The following CRACDL variants were observed in gnomAD, a reference collection of about 807,000 sequenced individuals.
CRACDL encodes the protein CRACD like.
CRACDL carries 26 observed loss-of-function variants against 70.6 expected under a neutral mutation model. That is an observed-to-expected ratio of 0.37 (90% CI 0.27 to 0.51). The LOEUF (loss-of-function observed/expected upper bound fraction) is 0.51, where lower values mean the gene tolerates loss of function less well. Ranked by LOEUF, CRACDL falls within the 20% of genes least tolerant of loss-of-function variation. The pLI is 0.94. For synonymous variants in CRACDL, 618 were observed against 615.2 expected (o/e 1.00, Z -0.07); for missense variants, 1,283 against 1,376.9 (o/e 0.93, Z 1.08).
In CRACDL at chr2:98,838,570, T is replaced by C. The variant is rs1040945486; in HGVS notation, c.71-283A>G. Among the ~76,000 whole-genome samples, 8 of 152,336 alleles carry C rather than the reference T, an allele frequency of 5.3e-5. No homozygotes were observed. In the South Asian group the frequency reaches 6.2e-4, roughly 12 times the overall value. ...AAATTAGCAACTTTCCTCTCATGTA[T>C]AATCAAGTTTTGATTTCTAAAATAT... is the stretch of plus-strand genomic sequence containing the variant. On this transcript the variant is annotated intron_variant, in intron 2 of 9. Transcript: ENST00000397899.
intron 2 of CRACDL, among the ~76,000 whole-genome samples, chr2:98,844,400 A>G (rs1559229722): frequency 6.6e-6 from 1 of 152,092 alleles, no homozygotes; most frequent in Non-Finnish European, 1.5e-5. Context: ...TGATGCCTTC[A>G]TGTGTCTGTT....
At chr2:98,875,926 T>C (rs1558617867) in intron 1 of CRACDL, among the ~76,000 whole-genome samples, 1 of 152,216 alleles carries the variant, frequency 6.6e-6, no homozygotes, top group African/African-American at 2.4e-5. Flanking sequence ...CTGCAGAACA[T>C]TGTCTGTAGG....
chr2:98,873,525 C>A (rs1462132074), intron 1 of CRACDL, among the ~76,000 whole-genome samples: 1 of 152,236 alleles, frequency 6.6e-6, no homozygotes, highest in Non-Finnish European at 1.5e-5. Context: ...CTGAACTGGC[C>A]TGGGACAGGG....
intron 1 of CRACDL, among the ~76,000 whole-genome samples, chr2:98,922,005 C>T (rs539799723): frequency 3.0e-4 from 45 of 152,324 alleles, no homozygotes; most frequent in South Asian, 6.2e-4. Flanking sequence ...TGTGTCAGTA[C>T]AAAGGTGAAT....
At chr2:98,891,512 A>G (rs1276911269) in intron 1 of CRACDL, among the ~76,000 whole-genome samples, 2 of 151,826 alleles carry the variant, frequency 1.3e-5, no homozygotes, top group African/African-American at 4.8e-5. Flanking sequence ...CTGGAATTAG[A>G]TAGTATTGAT....
intron 1 of CRACDL, among the ~76,000 whole-genome samples, chr2:98,868,147 A>G (rs1190148080): frequency 6.6e-6 from 1 of 152,222 alleles, no homozygotes; most frequent in Admixed American, 6.5e-5. Context: ...ACCCAGTACA[A>G]GGCCCTGTCT....
At chr2:98,841,746 G>A (rs1441532510) in intron 2 of CRACDL, among the ~76,000 whole-genome samples, 2 of 152,072 alleles carry the variant, frequency 1.3e-5, no homozygotes, top group African/African-American at 4.8e-5. Flanking sequence ...TTTTTTCCTA[G>A]GTATAACGTT....
At chr2:98,920,696 C>T (rs1007538082) in intron 1 of CRACDL, among the ~76,000 whole-genome samples, 2 of 152,202 alleles carry the variant, frequency 1.3e-5, no homozygotes, top group Non-Finnish European at 2.9e-5. Flanking sequence ...TCCACTCCAA[C>T]GCTACCTCCC....
chr2:98,877,868 C>T (rs1362131204), intron 1 of CRACDL, among the ~76,000 whole-genome samples: 1 of 152,126 alleles, frequency 6.6e-6, no homozygotes, highest in Non-Finnish European at 1.5e-5. Flanking sequence ...ACTACTCACT[C>T]ACTCAGTCAC....
intron 1 of CRACDL, among the ~76,000 whole-genome samples, chr2:98,870,832 C>G (rs1207877654): frequency 6.6e-6 from 1 of 152,214 alleles, no homozygotes; most frequent in Non-Finnish European, 1.5e-5. Context: ...TCAGGAGCCT[C>G]TTCAGCACTC....
At chr2:98,832,619 G>A (rs1040600564) in intron 4 of CRACDL, 107 bp from the exon 5 acceptor site, 2 of 1,142,624 alleles carry the variant, frequency 1.8e-6, no homozygotes, top group Admixed American at 2.2e-5. Context: ...GTATCTTGGT[G>A]TGGTGCAGAG....
chr2:98,932,124 C>T (rs1709093511), intron 1 of CRACDL, among the ~76,000 whole-genome samples: 1 of 152,230 alleles, frequency 6.6e-6, no homozygotes, highest in South Asian at 2.1e-4. Context: ...TGAACGCTGG[C>T]TGTCTGTGTT....
At chr2:98,836,366 A>C (rs1226380368) in intron 3 of CRACDL, among the ~76,000 whole-genome samples, 1 of 152,118 alleles carries the variant, frequency 6.6e-6, no homozygotes, top group Non-Finnish European at 1.5e-5. Flanking sequence ...GCTCTCTAAA[A>C]ATGTCATTTG....
At chr2:98,888,120 ACAAAAACCAT>A (rs1707845929) in intron 1 of CRACDL, among the ~76,000 whole-genome samples, 2 of 152,240 alleles carry the variant, frequency 1.3e-5, no homozygotes, top group Admixed American at 1.3e-4. Context: ...TCCAAGATAA[ACAAAAACCAT>A]AGAGAAATTA....
intron 1 of CRACDL, among the ~76,000 whole-genome samples, chr2:98,935,151 A>G (rs1268669842): frequency 1.3e-5 from 2 of 152,184 alleles, no homozygotes; most frequent in Non-Finnish European, 1.5e-5. Flanking sequence ...CTAGTAGGAT[A>G]CCTTAAGACC....
rs1022266036 is a variant in CRACDL at position 98,931,386 on chromosome 2, T to C, written c.-11+4552A>G. Among the ~76,000 whole-genome samples the C allele has an allele frequency of 2.5e-4, 38 of 150,020 alleles. 1 individual carries two copies. The highest frequency in any genetic ancestry group is 9.3e-4 in the African/African-American group (38 of 40,774). The stretch of plus-strand genomic sequence containing the variant: ...CTCCCCTGACCTTGACTGGACCAAC[T>C]GCTTTAAAAAGAAGGCAACCTCTCT... On this transcript the variant is annotated intron_variant, in intron 1 of 9. Transcript: ENST00000397899.
chr2:98,926,830 G>C (rs924822405), intron 1 of CRACDL, among the ~76,000 whole-genome samples: 6 of 152,166 alleles, frequency 3.9e-5, no homozygotes, highest in African/African-American at 1.2e-4. Context: ...TGCAGCGAAG[G>C]GTTGCTCGGT....
intron 1 of CRACDL, among the ~76,000 whole-genome samples, chr2:98,878,296 G>C (rs999720160): frequency 1.1e-4 from 17 of 152,054 alleles, no homozygotes; most frequent in South Asian, 4.2e-4. Flanking sequence ...TCTATGTTTA[G>C]ATATGTTCAG....
intron 1 of CRACDL, among the ~76,000 whole-genome samples, chr2:98,888,743 G>T (rs755256239): frequency 9.2e-5 from 14 of 152,152 alleles, no homozygotes. Context: ...ATTTTAAAAA[G>T]ATCTACATCT....
Sources: allele counts gnomAD v4.1 joint callset (sites outside exome capture counted in the v4.1 genomes callset), GRCh38; gene constraint gnomAD v4.1.1; transcripts MANE v1.5; gene names NCBI Gene and HGNC (gene_info 2026-07-23, HGNC 2026-07-21).